Variants in ACTN1 observed in about 807,000 individuals in gnomAD.
ACTN1 encodes actinin alpha 1.
A neutral mutation model predicts 119.6 loss-of-function variants in ACTN1; 30 were observed. That is an observed-to-expected ratio of 0.25 (90% CI 0.19 to 0.34). The LOEUF is 0.34. ACTN1 is among the 10% of genes least tolerant of loss of function. ACTN1 has a pLI of 1.00. For synonymous variants in ACTN1, 429 were observed against 472.6 expected, an observed-to-expected ratio of 0.91 and a Z score of 1.20; for missense variants, 764 against 1,223.4, an observed-to-expected ratio of 0.62 and a Z score of 5.60.
intron 1 of ACTN1, among the ~76,000 whole-genome samples, chr14:68,931,704 G>A (rs888477218): frequency 1.3e-5 from 2 of 152,142 alleles, no homozygotes; most frequent in Non-Finnish European, 2.9e-5. Flanking sequence ...GGGGAAGATC[G>A]TTGCAGTAGC....
chr14:68,882,318 C>G lies in ACTN1; in HGVS notation c.1953+140G>C. The G allele has an allele frequency of 8.5e-7, 1 of 1,175,048 alleles. No individual in the cohort carries two copies. Among genetic ancestry groups the G allele is most frequent in the Non-Finnish European group, 1.2e-6 (1 of 837,234 alleles). 72.8% of individuals were successfully genotyped at this position (1,175,048 alleles called of 1,614,324 possible). On this transcript the variant is annotated intron_variant, in intron 16 of 21. Transcript: ENST00000394419. The surrounding 1 kb of genome is among the most constrained non-coding windows in gnomAD (Gnocchi z 4.5). Reference sequence around the variant, plus strand: ...TCACATAGGCCCCCATAGCCTTCTACAGAACAGCAGACCCACGGTGGGCTC... The same window carrying G: ...TCACATAGGCCCCCATAGCCTTCTAGAGAACAGCAGACCCACGGTGGGCTC...
chr14:68,943,028 C>T (rs1371736321), intron 1 of ACTN1, among the ~76,000 whole-genome samples: 1 of 152,190 alleles, frequency 6.6e-6, no homozygotes, highest in Non-Finnish European at 1.5e-5. Context: ...AAAACACAAA[C>T]ACACAGATCA....
At chr14:68,959,981 C>G (rs549771934) in intron 1 of ACTN1, among the ~76,000 whole-genome samples, 19 of 152,304 alleles carry the variant, frequency 1.2e-4, no homozygotes, top group African/African-American at 3.8e-4. Context: ...TTACATACTG[C>G]ATTCTTAAAA....
At chr14:68,902,069 C>A (rs547832963) in intron 8 of ACTN1, among the ~76,000 whole-genome samples, 2 of 152,328 alleles carry the variant, frequency 1.3e-5, no homozygotes, top group African/African-American at 4.8e-5. Context: ...GGAGGTGTCT[C>A]CCAGCATTGC....
At chr14:68,905,821 G>A (rs754091177) in intron 6 of ACTN1, among the ~76,000 whole-genome samples, 11 of 152,010 alleles carry the variant, frequency 7.2e-5, no homozygotes, top group East Asian at 1.9e-4. Flanking sequence ...GTGACACCCC[G>A]TGTCTGCTAA....
At position 68,878,536 on chromosome 14, in the gene ACTN1, G is replaced by T. The variant is rs766128480; in HGVS notation, c.2362-13C>A. The T allele has an allele frequency of 8.1e-6, 13 of 1,610,868 alleles. No homozygotes were observed. The highest frequency in any genetic ancestry group is 1.7e-4 in the Middle Eastern group (1 of 6,048). On this transcript the variant is annotated splice_polypyrimidine_tract_variant and intron_variant, in intron 19 of 21. Coordinates refer to ENST00000394419, the MANE Select transcript of ACTN1 (RefSeq NM_001130004.2). The surrounding 1 kb of genome is among the most constrained non-coding windows in gnomAD (Gnocchi z 4.4). The stretch of plus-strand genomic sequence containing the variant: ...TGCCTGTCTTCTTCTGTGGGGGGCA[G>T]TGGTACCAAGACACAAGGAGGGTCG...
At chr14:68,903,230 T>C (rs1266745819) in intron 7 of ACTN1, among the ~76,000 whole-genome samples, 2 of 152,208 alleles carry the variant, frequency 1.3e-5, no homozygotes, top group African/African-American at 4.8e-5. Context: ...TTTCTGCTTT[T>C]GCCTGGGTTT....
rs75533890 is a variant in ACTN1 at position 68,957,950 on chromosome 14, A to G, written c.105+21002T>C. On this transcript the variant is annotated intron_variant, in intron 1 of 21. Transcript: ENST00000394419. The stretch of plus-strand genomic sequence containing the variant: ...ACCAAACACCCTGGCTCTCCAGACA[A>G]GCCTCAGAGCCAGACAGGAACTTGA... Among the ~76,000 whole-genome samples, 1,452 of 152,256 alleles carry G rather than the reference A, an allele frequency of 9.5e-3. 26 individuals carry two copies. The highest frequency in any genetic ancestry group is 0.033 in the African/African-American group (1,376 of 41,536).
At chr14:68,962,427 G>A (rs1356638802) in intron 1 of ACTN1, among the ~76,000 whole-genome samples, 1 of 152,106 alleles carries the variant, frequency 6.6e-6, no homozygotes, top group Non-Finnish European at 1.5e-5. Flanking sequence ...GCCTTCCCAG[G>A]AGCACCATTT....
Position 68,979,112 on chromosome 14 carries a change from C to T in ACTN1, c.-56G>A. On this transcript the variant is annotated 5_prime_UTR_variant, in exon 1 of 22. Coordinates refer to ENST00000394419, the MANE Select transcript of ACTN1 (RefSeq NM_001130004.2). Reference sequence around the variant, plus strand: ...CTTCCTCCACCTTCTCTCTGAGCAACGGCTGCTGCCCTGGCGTGGGGAGGG... The same window carrying T: ...CTTCCTCCACCTTCTCTCTGAGCAATGGCTGCTGCCCTGGCGTGGGGAGGG... The T allele has an allele frequency of 5.2e-6, 5 of 958,252 alleles. No individual in the cohort carries two copies. The highest frequency in any genetic ancestry group is 7.5e-6 in the Non-Finnish European group (5 of 663,916). The allele number at this position is 958,252 out of a possible 1,614,324, so 59.4% of individuals were successfully genotyped here. A position where few individuals can be genotyped will look rare whatever the true frequency, so the allele number is the denominator to read the frequency against.
At chr14:68,876,469 G>A in intron 21 of ACTN1, among the ~76,000 whole-genome samples, 1 of 152,020 alleles carries the variant, frequency 6.6e-6, no homozygotes, top group East Asian at 1.9e-4. Flanking sequence ...AGGTCCCTGG[G>A]CTGGAGATGG....
chr14:68,924,973 G>A (rs1057011378), intron 2 of ACTN1, among the ~76,000 whole-genome samples: 2 of 152,180 alleles, frequency 1.3e-5, no homozygotes, highest in Non-Finnish European at 2.9e-5. Context: ...GGTGGCTCGA[G>A]GGAGAGGGCT....
chr14:68,910,103 G>A (rs539962559), intron 4 of ACTN1, 61 bp from the exon 5 acceptor site: 55 of 1,432,118 alleles, frequency 3.8e-5, no homozygotes, highest in Admixed American at 2.1e-4. Context: ...GAGGGATGCC[G>A]GCTCACAGGA....
intron 8 of ACTN1, among the ~76,000 whole-genome samples, chr14:68,897,295 G>A (rs1177935984): frequency 6.6e-6 from 1 of 152,052 alleles, no homozygotes; most frequent in African/African-American, 2.4e-5. Flanking sequence ...GAATTTTCAT[G>A]TTTTTTTATG....
intron 21 of ACTN1, among the ~76,000 whole-genome samples, chr14:68,875,607 T>C (rs1260080920): frequency 1.3e-5 from 2 of 152,240 alleles, no homozygotes; most frequent in Non-Finnish European, 1.5e-5. Flanking sequence ...TAGGTCTACT[T>C]GGAAGCTGCT....
chr14:68,904,711 G>C lies in ACTN1; in HGVS notation c.620C>G (p.Thr207Arg). 6.2e-7 allele frequency: 1 copy of C among 1,613,976 alleles called. No homozygotes were observed. The highest frequency in any genetic ancestry group is 8.5e-7 in the Non-Finnish European group (1 of 1,179,874). Residue 207 changes from threonine to arginine, a missense_variant, in exon 7 of 22, where the codon ACG becomes AGG. By Grantham distance (71) the Thr-to-Arg change is moderately conservative. Transcript: ENST00000394419. ...GTACTTCTCTGCCACGTCAAAAGCCGTATTCAGATTTGTGAGTGGATCATC... is the reference window on the plus strand; with the variant it reads ...GTACTTCTCTGCCACGTCAAAAGCCCTATTCAGATTTGTGAGTGGATCATC... ...RKDDPLTNLN[T>R]AFDVAEKYLD...
rs77605291 is a variant in ACTN1 at position 68,904,842 on chromosome 14, C to T, written c.595-106G>A. ...AAACTGGGGAGCAGAGCGACTTTCT[C>T]CCAGCCCCAGCTCGATCCTCAGGGG... On this transcript the variant is annotated intron_variant, in intron 6 of 21. Coordinates refer to ENST00000394419, the MANE Select transcript of ACTN1 (RefSeq NM_001130004.2). The T allele has an allele frequency of 3.3e-3, 2,886 of 863,334 alleles. 47 individuals carry two copies. The African/African-American group carries it at 0.039, about 12-fold the overall frequency. 53.5% of individuals were successfully genotyped at this position (863,334 alleles called of 1,614,324 possible).
intron 8 of ACTN1, among the ~76,000 whole-genome samples, chr14:68,899,033 A>ACCC (rs544507987): frequency 7.6e-6 from 1 of 131,916 alleles, no homozygotes; most frequent in African/African-American, 3.1e-5. Flanking sequence ...CACCACACAC[A>ACCC]CACACATGCC....
intron 1 of ACTN1, among the ~76,000 whole-genome samples, chr14:68,965,043 C>G (rs1277256360): frequency 1.3e-5 from 2 of 152,236 alleles, no homozygotes; most frequent in African/African-American, 4.8e-5. Flanking sequence ...CAGAGGCCCG[C>G]CCCATGTGCA....
Sources: gnomAD v4.1 joint callset for allele counts (sites outside exome capture counted in the v4.1 genomes callset) on GRCh38, gnomAD v4.1.1 for gene constraint, Gnocchi (gnomAD v3.1) non-coding constraint, MANE v1.5 for transcripts, NCBI Gene and HGNC (gene_info 2026-07-23, HGNC 2026-07-21) for gene names.